FOXP2: variants seen among roughly 807,000 people sequenced by gnomAD.
FOXP2 encodes the protein forkhead box protein P2.
Under a neutral mutation model 115.8 loss-of-function variants are expected in FOXP2, and 12 were observed. The ratio of observed to expected loss-of-function variants is 0.10; its 90% CI spans 0.07 to 0.17. The LOEUF (loss-of-function observed/expected upper bound fraction) is 0.17, where lower values mean the gene tolerates loss of function less well. FOXP2 is among the 10% of genes least tolerant of loss of function. FOXP2 has a pLI of 1.00. For synonymous variants in FOXP2, 328 were observed against 297.7 expected, an observed-to-expected ratio of 1.10 and a Z score of -1.05; for missense variants, 629 against 843.5, an observed-to-expected ratio of 0.75 and a Z score of 3.15.
chr7:114,684,311 G>C (rs934680635), intron 16 of FOXP2, among the ~76,000 whole-genome samples: 3 of 152,172 alleles, frequency 2.0e-5, no homozygotes, highest in Non-Finnish European at 4.4e-5. Context: ...GGAAACAGTT[G>C]AAATGCAGCA....
At chr7:114,620,926 A>G (rs1328937615) in intron 3 of FOXP2, among the ~76,000 whole-genome samples, 1 of 152,062 alleles carries the variant, frequency 6.6e-6, no homozygotes, top group African/African-American at 2.4e-5. Context: ...GGGGTATACT[A>G]CATTAAACAA....
At chr7:114,455,160 A>G (rs1465031033) in intron 2 of FOXP2, among the ~76,000 whole-genome samples, 1 of 152,166 alleles carries the variant, frequency 6.6e-6, no homozygotes, top group African/African-American at 2.4e-5. Context: ...ATATTTCACT[A>G]AGATATTCCT....
intron 3 of FOXP2, among the ~76,000 whole-genome samples, chr7:114,551,244 C>T (rs555587166): frequency 1.3e-5 from 2 of 152,118 alleles, no homozygotes; most frequent in African/African-American, 2.4e-5. Flanking sequence ...TAAATGCCCT[C>T]GGTATGTTAG....
chr7:114,426,150 A>G (rs1359501378), intron 1 of FOXP2, among the ~76,000 whole-genome samples: 1 of 151,682 alleles, frequency 6.6e-6, no homozygotes, highest in Non-Finnish European at 1.5e-5. Context: ...AAAGGTAGAT[A>G]ATAGGAAACA....
chr7:114,541,667 C>G (rs144937130), intron 3 of FOXP2, among the ~76,000 whole-genome samples: 3 of 151,548 alleles, frequency 2.0e-5, no homozygotes, highest in African/African-American at 7.3e-5. Flanking sequence ...ACTTTTGCTT[C>G]TCAGATTGCA....
intron 8 of FOXP2, among the ~76,000 whole-genome samples, chr7:114,648,145 T>C (rs117475812): frequency 2.0e-4 from 31 of 152,214 alleles, no homozygotes; most frequent in Non-Finnish European, 4.0e-4. Context: ...CTAAAAATTA[T>C]GCTCTTACTT....
chr7:114,270,548 A>G (rs970062238), intron 1 of FOXP2, among the ~76,000 whole-genome samples: 6 of 152,032 alleles, frequency 3.9e-5, no homozygotes, highest in South Asian at 2.1e-4. Context: ...ATTATTTGGC[A>G]TTTCCCTGAT....
chr7:114,255,498 G>A (rs768833309), intron 1 of FOXP2, among the ~76,000 whole-genome samples: 8 of 152,112 alleles, frequency 5.3e-5, no homozygotes, highest in African/African-American at 1.9e-4. Context: ...CTGCGGGGGC[G>A]CCCGTCCCTC....
At chr7:114,357,101 T>C (rs1437234012) in intron 2 of FOXP2, among the ~76,000 whole-genome samples, 1 of 152,152 alleles carries the variant, frequency 6.6e-6, no homozygotes, top group African/African-American at 2.4e-5. Context: ...ATTAACTCTG[T>C]AAGTAAATGC....
intron 2 of FOXP2, among the ~76,000 whole-genome samples, chr7:114,331,904 C>T (rs1265797775): frequency 6.6e-6 from 1 of 152,094 alleles, no homozygotes; most frequent in East Asian, 1.9e-4. Flanking sequence ...ACTTCAGCCT[C>T]CCAAAATGCT....
At position 114,426,553 on chromosome 7, in the gene FOXP2, A is replaced by G; in HGVS notation, c.42A>G (p.Ser14=). ...CGACAGAGACAATAAGCAACAGTTC[A>G]ATGAATCAAAATGGAATGAGCACTC... ...ESATETISNS[S]MNQNGMSTLS... Residue 14 remains serine (S), a synonymous_variant, in exon 2 of 17, where the codon TCA becomes TCG. Coordinates refer to ENST00000350908, the MANE Select transcript of FOXP2 (RefSeq NM_014491.4). 6.2e-7 allele frequency: 1 copy of G among 1,611,480 alleles called. No homozygotes were observed. The highest frequency in any genetic ancestry group is 8.5e-7 in the Non-Finnish European group (1 of 1,178,302).
At chr7:114,257,643 C>T (rs1050939866) in intron 1 of FOXP2, among the ~76,000 whole-genome samples, 20 of 151,840 alleles carry the variant, frequency 1.3e-4, no homozygotes, top group Admixed American at 9.2e-4. Flanking sequence ...TTAGTAGAGA[C>T]AGGGTTTCAC....
At chr7:114,281,188 C>G (rs1409706992) in intron 1 of FOXP2, among the ~76,000 whole-genome samples, 2 of 150,304 alleles carry the variant, frequency 1.3e-5, no homozygotes, top group Non-Finnish European at 3.0e-5. Context: ...TGCAACCTCC[C>G]CCTCCCGGGT....
At chr7:114,619,710 T>G (rs1242112464) in intron 3 of FOXP2, among the ~76,000 whole-genome samples, 1 of 152,058 alleles carries the variant, frequency 6.6e-6, no homozygotes, top group African/African-American at 2.4e-5. Flanking sequence ...CCGATTTCTG[T>G]TCAGTTAGCT....
At position 114,690,721 on chromosome 7, in the gene FOXP2, A is replaced by C. The variant is rs1016528753; in HGVS notation, c.*795A>C. 8.8e-6 allele frequency: 4 copies of C among 454,390 alleles called. No homozygotes were observed. The highest frequency in any genetic ancestry group is 8.0e-5 in the African/African-American group (4 of 50,006). The allele number at this position is 454,390 out of a possible 1,614,324, so 28.1% of individuals were successfully genotyped here. On this transcript the variant is annotated 3_prime_UTR_variant, in exon 17 of 17. Transcript: ENST00000350908. The stretch of plus-strand genomic sequence containing the variant: ...TTGTGATAAAGCTTTGTCTACCTGC[A>C]AACACAGTCAAAGGCTACAGCTGCA...
chr7:114,202,479 C>G (rs939858128), intron 1 of FOXP2, among the ~76,000 whole-genome samples: 10 of 152,136 alleles, frequency 6.6e-5, no homozygotes, highest in African/African-American at 2.4e-4. Flanking sequence ...AATTTTGAAA[C>G]CCAAATTCCA....
At chr7:114,510,578 G>T (rs977345424) in intron 2 of FOXP2, among the ~76,000 whole-genome samples, 2 of 152,174 alleles carry the variant, frequency 1.3e-5, no homozygotes, top group Admixed American at 6.6e-5. Context: ...ATAGACAAAT[G>T]TGGTAATCTT....
At chr7:114,676,075 A>ATTTTT (rs11327459) in intron 16 of FOXP2, among the ~76,000 whole-genome samples, 15 of 89,556 alleles carry the variant, frequency 1.7e-4, no homozygotes, top group South Asian at 4.2e-4. Flanking sequence ...AGGCCCGGCT[A>ATTTTT]TTTTTTTTTT....
chr7:114,148,987 T>G (rs1196828201), intron 1 of FOXP2, among the ~76,000 whole-genome samples: 1 of 152,132 alleles, frequency 6.6e-6, no homozygotes, highest in Non-Finnish European at 1.5e-5. Context: ...TACCCTTACT[T>G]CTGCTTTTAT....
Sources: gnomAD v4.1 joint callset for allele counts (sites outside exome capture counted in the v4.1 genomes callset) on GRCh38, gnomAD v4.1.1 for gene constraint, MANE v1.5 for transcripts, NCBI Gene and HGNC (gene_info 2026-07-23, HGNC 2026-07-21) for gene names.